MAP3K2: variants seen among roughly 807,000 people sequenced by gnomAD.
MAP3K2 encodes mitogen-activated protein kinase kinase kinase 2, also known as MAP/ERK kinase kinase 2.
A neutral mutation model predicts 80.3 loss-of-function variants in MAP3K2; 24 were observed. That is an observed-to-expected ratio of 0.30 (90% CI 0.22 to 0.42). The LOEUF is 0.42. MAP3K2 is among the 10% of genes least tolerant of loss of function. The pLI is 1.00. For missense variants in MAP3K2, 608 were observed against 750.1 expected (o/e 0.81, Z 2.21); for synonymous variants, 244 against 253.7 (o/e 0.96, Z 0.36).
At chr2:127,372,786 C>T (rs1053149045) in intron 1 of MAP3K2, among the ~76,000 whole-genome samples, 1 of 152,138 alleles carries the variant, frequency 6.6e-6, no homozygotes. Flanking sequence ...TTACAAACAG[C>T]CCGTGAATTA....
Position 127,323,991 on chromosome 2 carries a change from T to A in MAP3K2, c.749A>T (p.Tyr250Phe). 2 of 1,482,968 alleles carry A rather than the reference T, an allele frequency of 1.3e-6. No homozygotes were observed. Among genetic ancestry groups the A allele is most frequent in the Non-Finnish European group, 1.8e-6 (2 of 1,082,990 alleles). The allele number at this position is 1,482,968 out of a possible 1,614,324, so 91.9% of individuals were successfully genotyped here. A position where few individuals can be genotyped will look rare whatever the true frequency, so the allele number is the denominator to read the frequency against. Residue 250 changes from tyrosine to phenylalanine, a missense_variant, in exon 11 of 17, where the codon TAT (tyrosine) becomes TTT (phenylalanine). By Grantham distance (22) the Tyr-to-Phe change is conservative (BLOSUM62 3). This residue lies in a region of MAP3K2 where 467 missense variants were observed against 521.9 expected (regional missense o/e 0.89). Coordinates refer to ENST00000682094, the MANE Select transcript of MAP3K2 (RefSeq NM_001371910.2). ...YPDNHQEFSD[Y>F]DNPIFEKFGK... ...AAATTTCTCAAAGATAGGGTTATCA[T>A]AGTCTGTTAAGACATATAAGATGGT...
intron 1 of MAP3K2, among the ~76,000 whole-genome samples, chr2:127,370,486 G>A (rs922484860): frequency 6.6e-6 from 1 of 152,354 alleles, no homozygotes; most frequent in African/African-American, 2.4e-5. Flanking sequence ...TTCCAAGTTC[G>A]AGGGAATTGC....
intron 1 of MAP3K2, among the ~76,000 whole-genome samples, chr2:127,347,485 C>T (rs1381509789): frequency 6.6e-6 from 1 of 152,008 alleles, no homozygotes; most frequent in South Asian, 2.1e-4. Context: ...ATTTCATTTA[C>T]AATACCACCA....
chr2:127,324,309 G>T, intron 9 of MAP3K2, 68 bp from the exon 10 acceptor site: 1 of 924,298 alleles, frequency 1.1e-6, no homozygotes, highest in Non-Finnish European at 1.6e-6. Flanking sequence ...AAATCTTTGA[G>T]CAATATCTAT....
At chr2:127,312,228 T>G (rs1055057887) in intron 15 of MAP3K2, among the ~76,000 whole-genome samples, 24 of 152,334 alleles carry the variant, frequency 1.6e-4, no homozygotes, top group African/African-American at 5.8e-4. Flanking sequence ...CTTTCATCCA[T>G]TAATTTCATC....
At chr2:127,386,522 G>A (rs1687350106) in intron 1 of MAP3K2, among the ~76,000 whole-genome samples, 1 of 152,198 alleles carries the variant, frequency 6.6e-6, no homozygotes, top group African/African-American at 2.4e-5. Context: ...AGTTCCCTTT[G>A]GGCATCAAGG....
intron 15 of MAP3K2, among the ~76,000 whole-genome samples, chr2:127,311,411 G>A (rs113684659): frequency 1.3e-5 from 2 of 152,168 alleles, no homozygotes; most frequent in African/African-American, 2.4e-5. Flanking sequence ...GCTGTCTCTG[G>A]GGCGGAATCA....
chr2:127,346,410 TAAAAAAAAA>T (rs70985447), intron 1 of MAP3K2, among the ~76,000 whole-genome samples: 11 of 96,348 alleles, frequency 1.1e-4, no homozygotes, highest in African/African-American at 4.2e-4. Context: ...AAACTGGTTT[TAAAAAAAAA>T]AAAAAAAAAA....
At chr2:127,314,533 C>T (rs1685864393) in intron 15 of MAP3K2, among the ~76,000 whole-genome samples, 1 of 152,182 alleles carries the variant, frequency 6.6e-6, no homozygotes, top group South Asian at 2.1e-4. Flanking sequence ...GTCTCTTAAA[C>T]TTTACTGGTT....
intron 11 of MAP3K2, among the ~76,000 whole-genome samples, chr2:127,323,123 C>G (rs555268723): frequency 2.8e-5 from 4 of 144,712 alleles, no homozygotes; most frequent in African/African-American, 7.7e-5. Context: ...AAAATTAGGC[C>G]GGGCACGGTG....
chr2:127,338,633 T>C (rs1686418977), intron 3 of MAP3K2, among the ~76,000 whole-genome samples: 1 of 152,172 alleles, frequency 6.6e-6, no homozygotes, highest in South Asian at 2.1e-4. Context: ...TGGTCTCCAG[T>C]TCCATCCATG....
Position 127,310,205 on chromosome 2 carries a change from T to C in MAP3K2, c.1457-1443A>G, listed in dbSNP as rs1453614803. Among the ~76,000 whole-genome samples the C allele has an allele frequency of 1.3e-5, 2 of 152,222 alleles. No individual in the cohort carries two copies. Among genetic ancestry groups the C allele is most frequent in the African/African-American group, 2.4e-5 (1 of 41,464 alleles). ...GTGTCCCTTTGCCATACCCCCATCATTGTATCCTTGGCTTTTGTTTTGGAG... is the reference window on the plus strand; with the variant it reads ...GTGTCCCTTTGCCATACCCCCATCACTGTATCCTTGGCTTTTGTTTTGGAG... On this transcript the variant is annotated intron_variant, in intron 15 of 16. Coordinates refer to ENST00000682094, the MANE Select transcript of MAP3K2 (RefSeq NM_001371910.2). The surrounding 1 kb of genome is among the most constrained non-coding windows in gnomAD (Gnocchi z 4.8).
chr2:127,322,212 G>T lies in MAP3K2; in HGVS notation c.879C>A (p.Thr293=), dbSNP rs79135681. The change falls in exon 12 of 17, where the codon ACC becomes ACA. Residue 293 remains threonine, a synonymous_variant. Coordinates refer to ENST00000682094, the MANE Select transcript of MAP3K2 (RefSeq NM_001371910.2). This position sits in a 1 kb window ranked among gnomAD's most constrained non-coding sequence, Gnocchi z 4.2. ...TFPRARRTQG[T]SLRSPVSFSP... ...TGAAACTCACAGGAGACCGTAAGCTGGTCCCCTGGGTCCTTCTAGCTCTTG... is the reference window on the plus strand; with the variant it reads ...TGAAACTCACAGGAGACCGTAAGCTTGTCCCCTGGGTCCTTCTAGCTCTTG... 2.7e-3 allele frequency: 4,414 copies of T among 1,613,846 alleles called. 94 individuals carry two copies. In the African/African-American group the frequency reaches 0.05, roughly 18 times the overall value.
chr2:127,345,104 T>C (rs531679317), intron 1 of MAP3K2, among the ~76,000 whole-genome samples: 1 of 152,312 alleles, frequency 6.6e-6, no homozygotes, highest in African/African-American at 2.4e-5. Context: ...TCCTCCCAGT[T>C]TGGCCTCCCT....
intron 1 of MAP3K2, among the ~76,000 whole-genome samples, chr2:127,353,807 A>G (rs1353730290): frequency 1.3e-5 from 2 of 152,056 alleles, no homozygotes; most frequent in African/African-American, 4.8e-5. Context: ...GAAAAGGGGG[A>G]AAGGTGGGGA....
At chr2:127,362,642 A>G (rs1439940681) in intron 1 of MAP3K2, among the ~76,000 whole-genome samples, 1 of 152,236 alleles carries the variant, frequency 6.6e-6, no homozygotes, top group Non-Finnish European at 1.5e-5. Context: ...CTAGAAAAAA[A>G]GCAACAACCC....
At chr2:127,308,891 C>T (rs747395394) in intron 15 of MAP3K2, 129 bp from the exon 16 acceptor site, 3 of 920,588 alleles carry the variant, frequency 3.3e-6, no homozygotes, top group Non-Finnish European at 4.8e-6. Context: ...GCTTTTCATC[C>T]TCTGGCAGTA....
rs1421137890 is a variant in MAP3K2, at chr2:127,330,502, C to T, written c.268G>A (p.Val90Ile). ...TCATCTTGAGTAGTTAATGGAATTA[C>T]CAACTAAAAACAAACATAAGGAACC... is the stretch of plus-strand genomic sequence containing the variant. ...MDLHYTNNELVIPLTTQDDLD... is the reference protein window; with the variant it reads ...MDLHYTNNELIIPLTTQDDLD... The change falls in exon 6 of 17, where the codon GTA becomes ATA. Residue 90 changes from valine to isoleucine, a missense_variant. Val to Ile is a conservative substitution (Grantham distance 29). Transcript: ENST00000682094. 1.9e-6 allele frequency: 3 copies of T among 1,560,982 alleles called. No individual in the cohort carries two copies. The highest frequency in any genetic ancestry group is 2.7e-5 in the African/African-American group (2 of 73,554).
intron 9 of MAP3K2, among the ~76,000 whole-genome samples, chr2:127,324,632 G>T (rs1686093864): frequency 6.6e-6 from 1 of 152,148 alleles, no homozygotes; most frequent in African/African-American, 2.4e-5. Flanking sequence ...TTTGCAAATG[G>T]TAAGTACTCA....
Sources: allele counts gnomAD v4.1 joint callset (sites outside exome capture counted in the v4.1 genomes callset), GRCh38; gene constraint gnomAD v4.1.1; regional missense constraint gnomAD v4.1.1; non-coding constraint Gnocchi (gnomAD v3.1); transcripts MANE v1.5; gene names NCBI Gene and HGNC (gene_info 2026-07-23, HGNC 2026-07-21).